GADD45A: variants seen among roughly 807,000 people sequenced by gnomAD.
GADD45A encodes growth arrest and DNA damage inducible alpha.
Under a neutral mutation model 17.7 loss-of-function variants are expected in GADD45A, and 9 were observed. The ratio of observed to expected loss-of-function variants is 0.51; its 90% CI spans 0.31 to 0.89. The LOEUF (loss-of-function observed/expected upper bound fraction) is 0.89. GADD45A is among the 40% of genes least tolerant of loss of function. The pLI is 0.05. For synonymous variants in GADD45A, 95 were observed against 92.2 expected, an observed-to-expected ratio of 1.03 and a Z score of -0.17; for missense variants, 149 against 220.6, an observed-to-expected ratio of 0.68 and a Z score of 2.06.
At position 67,686,344 on chromosome 1, in the gene GADD45A, C is replaced by T. The variant is rs1303667164; in HGVS notation, c.147-6C>T. 2 of 1,610,210 alleles carry T rather than the reference C, an allele frequency of 1.2e-6. No individual in the cohort carries two copies. The highest frequency in any genetic ancestry group is 2.2e-5 in the East Asian group (1 of 44,800). On this transcript the variant is annotated splice_polypyrimidine_tract_variant and splice_region_variant and intron_variant, in intron 2 of 3. Coordinates refer to ENST00000370986, the MANE Select transcript of GADD45A (RefSeq NM_001924.4). ...TGCGCTCACTGGCCCCGCCCGCTGC[C>T]CCCAGCGACCCCGATAACGTGGTGT...
At chr1:67,685,910 G>T in intron 1 of GADD45A, 115 bp from the exon 2 acceptor site, 2 of 680,128 alleles carry the variant, frequency 2.9e-6, no homozygotes, top group Non-Finnish European at 5.0e-6. Context: ...GTAGAGCCCA[G>T]GTGCGCGGTG....
At position 67,686,515 on chromosome 1, in the gene GADD45A, G is replaced by A; in HGVS notation, c.312G>A (p.Leu104=). The change falls in exon 3 of 4, where the codon TTG becomes TTA. Residue 104 remains leucine (L), a synonymous_variant. Transcript: ENST00000370986. ...NPGRLAELLL[L]ETDAGPAASE... is the part of the protein sequence containing the mutation. The stretch of plus-strand genomic sequence containing the variant: ...GCCGGCTGGCGGAGCTCCTGCTCTT[G>A]GAGACCGACGCTGGCCCCGCGGCGA... 6.2e-7 allele frequency: 1 copy of A among 1,613,162 alleles called. No homozygotes were observed. The highest frequency in any genetic ancestry group is 8.5e-7 in the Non-Finnish European group (1 of 1,179,832).
Position 67,685,219 on chromosome 1 carries a change from G to A in GADD45A, c.-276G>A. ...GTCCTCCAGTGGCTGGTAGGCAGTG[G>A]CTGGGAGGCAGCGGCCCAATTAGTG... On this transcript the variant is annotated 5_prime_UTR_variant, in exon 1 of 4. Transcript: ENST00000370986. The A allele has an allele frequency of 2.1e-6, 1 of 470,288 alleles. No individual in the cohort carries two copies. The highest frequency in any genetic ancestry group is 3.7e-6 in the Non-Finnish European group (1 of 266,842). 29.1% of individuals were successfully genotyped at this position (470,288 alleles called of 1,614,324 possible).
In GADD45A at chr1:67,685,450, G is replaced by T. The variant is rs745909678; in HGVS notation, c.-45G>T. Reference sequence around the variant, plus strand: ...CCGCGCGCTAGCCGTGGCAGGAGCAGCCCGCACGCCGCGCTCTCTCCCTGG... The same window carrying T: ...CCGCGCGCTAGCCGTGGCAGGAGCATCCCGCACGCCGCGCTCTCTCCCTGG... On this transcript the variant is annotated 5_prime_UTR_variant, in exon 1 of 4. Transcript: ENST00000370986. The T allele has an allele frequency of 1.6e-5, 25 of 1,578,298 alleles. No homozygotes were observed. Among genetic ancestry groups the T allele is most frequent in the East Asian group, 6.9e-5 (3 of 43,488 alleles).
Position 67,687,947 on chromosome 1 carries a change from G to A in GADD45A, c.*173G>A, listed in dbSNP as rs1187982582. 3 of 493,630 alleles carry A rather than the reference G, an allele frequency of 6.1e-6. No individual in the cohort carries two copies. The highest frequency in any genetic ancestry group is 5.7e-5 in the African/African-American group (3 of 52,446). The allele number at this position is 493,630 out of a possible 1,614,324, so 30.6% of individuals were successfully genotyped here. ...GGGCCCGGAGATAGATGACTTTGCA[G>A]ATGGAAAGAGGTGAAAATGAAGAAG... On this transcript the variant is annotated 3_prime_UTR_variant, in exon 4 of 4. Transcript: ENST00000370986.
Position 67,686,468 on chromosome 1 carries a change from A to G in GADD45A, c.265A>G (p.Ile89Val), listed in dbSNP as rs1646134559. The G allele has an allele frequency of 3.1e-6, 5 of 1,613,736 alleles. No individual in the cohort carries two copies. Among genetic ancestry groups the G allele is most frequent in the Non-Finnish European group, 4.2e-6 (5 of 1,179,854 alleles). ...QAFCCENDIN[I>V]LRVSNPGRLA... ...GTTTTGCTGCGAGAACGACATCAAC[A>G]TCCTGCGCGTCAGCAACCCGGGCCG... Residue 89 changes from isoleucine (I) to valine (V), a missense_variant, in exon 3 of 4, where the codon ATC (isoleucine) becomes GTC (valine). By Grantham distance (29) the Ile-to-Val change is conservative. Transcript: ENST00000370986.
At chr1:67,687,285 C>T (rs774942023) in intron 3 of GADD45A, among the ~76,000 whole-genome samples, 1 of 152,236 alleles carries the variant, frequency 6.6e-6, no homozygotes, top group Non-Finnish European at 1.5e-5. Context: ...CTGTGCAGCT[C>T]TCATCTCATT....
Position 67,686,035 on chromosome 1 carries a change from G to A in GADD45A, c.55G>A (p.Val19Met), listed in dbSNP as rs1378077823. The A allele has an allele frequency of 2.5e-6, 4 of 1,605,874 alleles. No individual in the cohort carries two copies. The African/African-American group carries it at 5.4e-5, about 22-fold the overall frequency. The change falls in exon 2 of 4, where the codon GTG (valine) becomes ATG (methionine). Residue 19 changes from valine to methionine, a missense_variant. By Grantham distance (21) the Val-to-Met change is conservative. Coordinates refer to ENST00000370986, the MANE Select transcript of GADD45A (RefSeq NM_001924.4). ...CTTGCCCGCGTGTAGGATGGATAAG[G>A]TGGGGGATGCCCTGGAGGAAGTGCT... ...GEQKTERMDK[V>M]GDALEEVLSK... is the part of the protein sequence containing the mutation.
intron 3 of GADD45A, among the ~76,000 whole-genome samples, chr1:67,687,144 T>G (rs898350339): frequency 1.3e-5 from 2 of 152,106 alleles, no homozygotes; most frequent in Non-Finnish European, 2.9e-5. Context: ...GGGGTAAATG[T>G]GCTACTTTTG....
At position 67,687,939 on chromosome 1, in the gene GADD45A, A is replaced by G. The variant is rs968906710; in HGVS notation, c.*165A>G. On this transcript the variant is annotated 3_prime_UTR_variant, in exon 4 of 4. Transcript: ENST00000370986. ...TGTTCTGGGGGCCCGGAGATAGATG[A>G]CTTTGCAGATGGAAAGAGGTGAAAA... The G allele has an allele frequency of 6.0e-6, 3 of 502,950 alleles. No homozygotes were observed. The highest frequency in any genetic ancestry group is 3.8e-5 in the African/African-American group (2 of 52,638). The allele number at this position is 502,950 out of a possible 1,614,324, so 31.2% of individuals were successfully genotyped here. A position where few individuals can be genotyped will look rare whatever the true frequency, so the allele number is the denominator to read the frequency against.
Position 67,685,514 on chromosome 1 carries a change from C to T in GADD45A, c.20C>T (p.Ser7Leu), listed in dbSNP as rs763244492. 7 of 1,610,414 alleles carry T rather than the reference C, an allele frequency of 4.3e-6. No homozygotes were observed. Among genetic ancestry groups the T allele is most frequent in the African/African-American group, 2.7e-5 (2 of 74,894 alleles). ...TGCAATATGACTTTGGAGGAATTCT[C>T]GGCTGGAGAGCAGAAGACCGAAAGG... MTLEEF[S>L]AGEQKTERMD... The change falls in exon 1 of 4, where the codon TCG becomes TTG. Residue 7 changes from serine (S) to leucine (L), a missense_variant. Transcript: ENST00000370986.
In GADD45A at chr1:67,686,136, G is replaced by T; in HGVS notation, c.146+10G>T. On this transcript the variant is annotated intron_variant, in intron 2 of 3. Coordinates refer to ENST00000370986, the MANE Select transcript of GADD45A (RefSeq NM_001924.4). ...CCAAGCTGCTCAACGTGTAAGTGGGGCCCTTGCGCGTCCCCCATGGCACCC... is the reference window on the plus strand; with the variant it reads ...CCAAGCTGCTCAACGTGTAAGTGGGTCCCTTGCGCGTCCCCCATGGCACCC... 6.3e-7 allele frequency: 1 copy of T among 1,599,736 alleles called. No homozygotes were observed. The highest frequency in any genetic ancestry group is 8.5e-7 in the Non-Finnish European group (1 of 1,170,898).
Position 67,687,920 on chromosome 1 carries a change from G to C in GADD45A, c.*146G>C. ...CTGAGTGAGTTCAACTACATGTTCT[G>C]GGGGCCCGGAGATAGATGACTTTGC... On this transcript the variant is annotated 3_prime_UTR_variant, in exon 4 of 4. Coordinates refer to ENST00000370986, the MANE Select transcript of GADD45A (RefSeq NM_001924.4). 1.9e-6 allele frequency: 1 copy of C among 537,634 alleles called. No individual in the cohort carries two copies. The highest frequency in any genetic ancestry group is 1.9e-5 in the African/African-American group (1 of 53,484). The allele number at this position is 537,634 out of a possible 1,614,324, so 33.3% of individuals were successfully genotyped here. A position where few individuals can be genotyped will look rare whatever the true frequency, so the allele number is the denominator to read the frequency against.
chr1:67,687,576 T>C, intron 3 of GADD45A, 85 bp from the exon 4 acceptor site: 1 of 818,510 alleles, frequency 1.2e-6, no homozygotes, highest in Non-Finnish European at 2.0e-6. Flanking sequence ...AAATATAGAA[T>C]GTTCAAGTGT....
At position 67,688,125 on chromosome 1, in the gene GADD45A, AT is replaced by A; in HGVS notation, c.*356del. 5.5e-6 allele frequency: 1 copy of A among 180,182 alleles called. No individual in the cohort carries two copies. The highest frequency in any genetic ancestry group is 1.2e-5 in the Non-Finnish European group (1 of 86,458). The allele number at this position is 180,182 out of a possible 1,614,324, so 11.2% of individuals were successfully genotyped here. A position where few individuals can be genotyped will look rare whatever the true frequency, so the allele number is the denominator to read the frequency against. ...TTAAGTGTGCAGCCATAGTTTGGGTATTTTTGGTTTATATGCCCTCAAGTAA... is the reference window on the plus strand; with the variant it reads ...TTAAGTGTGCAGCCATAGTTTGGGTATTTTGGTTTATATGCCCTCAAGTAA... On this transcript the variant is annotated 3_prime_UTR_variant, in exon 4 of 4. Coordinates refer to ENST00000370986, the MANE Select transcript of GADD45A (RefSeq NM_001924.4).
Position 67,685,423 on chromosome 1 carries a change from G to T in GADD45A, c.-72G>T. 1 of 1,471,820 alleles carries T rather than the reference G, an allele frequency of 6.8e-7. No individual in the cohort carries two copies. Among genetic ancestry groups the T allele is most frequent in the Non-Finnish European group, 9.3e-7 (1 of 1,073,444 alleles). 91.2% of individuals were successfully genotyped at this position (1,471,820 alleles called of 1,614,324 possible). On this transcript the variant is annotated 5_prime_UTR_variant, in exon 1 of 4. Coordinates refer to ENST00000370986, the MANE Select transcript of GADD45A (RefSeq NM_001924.4). ...CTGTGAGTGAGTGCAGAAAGCAGGC[G>T]CCCGCGCGCTAGCCGTGGCAGGAGC...
chr1:67,686,723 G>T, intron 3 of GADD45A, 136 bp downstream of exon 3: 1 of 688,268 alleles, frequency 1.5e-6, no homozygotes. Flanking sequence ...GAGTGTGGCT[G>T]GACTTTCAGC....
chr1:67,685,393 G>A lies in GADD45A; in HGVS notation c.-102G>A, dbSNP rs1021203260. ...GCGCCAGGGCCTGAGCTGCCGGAGCGGCGCCTGTGAGTGAGTGCAGAAAGC... is the reference window on the plus strand; with the variant it reads ...GCGCCAGGGCCTGAGCTGCCGGAGCAGCGCCTGTGAGTGAGTGCAGAAAGC... On this transcript the variant is annotated 5_prime_UTR_variant, in exon 1 of 4. Transcript: ENST00000370986. The A allele has an allele frequency of 9.0e-6, 10 of 1,117,144 alleles. No individual in the cohort carries two copies. The Middle Eastern group carries it at 8.0e-4, about 89-fold the overall frequency. The allele number at this position is 1,117,144 out of a possible 1,614,324, so 69.2% of individuals were successfully genotyped here. A position where few individuals can be genotyped will look rare whatever the true frequency, so the allele number is the denominator to read the frequency against.
intron 1 of GADD45A, 122 bp downstream of exon 1, chr1:67,685,660 C>G: frequency 1.1e-6 from 1 of 938,980 alleles, no homozygotes. Flanking sequence ...AGGGCAACTC[C>G]CGCCCTTGCT....
Sources: allele counts gnomAD v4.1 joint callset (sites outside exome capture counted in the v4.1 genomes callset), GRCh38; gene constraint gnomAD v4.1.1; transcripts MANE v1.5; gene names NCBI Gene and HGNC (gene_info 2026-07-23, HGNC 2026-07-21).